Variants in GRAMD1B observed in about 807,000 individuals in gnomAD.
GRAMD1B encodes protein Aster-B.
GRAMD1B carries 37 observed loss-of-function variants against 99.7 expected under a neutral mutation model. The ratio of observed to expected loss-of-function variants is 0.37; its 90% CI spans 0.29 to 0.49. The LOEUF is 0.49. GRAMD1B is among the 20% of genes least tolerant of loss of function. GRAMD1B has a pLI of 0.98. For synonymous variants in GRAMD1B, 427 were observed against 387.6 expected, an observed-to-expected ratio of 1.10 and a Z score of -1.19; for missense variants, 888 against 1,009.2, an observed-to-expected ratio of 0.88 and a Z score of 1.63.
rs1950218101 is a variant in GRAMD1B at position 123,587,849 on chromosome 11, C to T, written c.684+3517C>T. ...AATCCAGGGTGTTGGGGTTGGGCAGCGGAGAGGGTAGGAGACCTGCCTCGA... is the reference window on the plus strand; with the variant it reads ...AATCCAGGGTGTTGGGGTTGGGCAGTGGAGAGGGTAGGAGACCTGCCTCGA... On this transcript the variant is annotated intron_variant, in intron 4 of 19. Coordinates refer to ENST00000635736, the MANE Select transcript of GRAMD1B (RefSeq NM_001387025.1). The surrounding 1 kb of genome is among the most constrained non-coding windows in gnomAD (Gnocchi z 4.2). Among the ~76,000 whole-genome samples, 1 of 152,122 alleles carries T rather than the reference C, an allele frequency of 6.6e-6. No homozygotes were observed. Among genetic ancestry groups the T allele is most frequent in the Non-Finnish European group, 1.5e-5 (1 of 68,024 alleles).
In GRAMD1B at chr11:123,491,668, C is replaced by T. The variant is rs1938573689; in HGVS notation, c.452+10775C>T. On this transcript the variant is annotated intron_variant, in intron 2 of 19. Coordinates refer to ENST00000635736, the MANE Select transcript of GRAMD1B (RefSeq NM_001387025.1). ...TAACGCAGGACCCCAGGCTTGCCCA[C>T]CCTGGGCCCTCCATCTGCCTGTGTT... is the stretch of plus-strand genomic sequence containing the variant. The T allele has an allele frequency of 1.0e-5, 4 of 386,168 alleles. No individual in the cohort carries two copies. The East Asian group carries it at 1.5e-4, about 14-fold the overall frequency. 23.9% of individuals were successfully genotyped at this position (386,168 alleles called of 1,614,324 possible).
chr11:123,612,890 G>A (rs1953784837), intron 15 of GRAMD1B, 26 bp downstream of exon 15: 2 of 1,334,806 alleles, frequency 1.5e-6, no homozygotes, highest in Admixed American at 1.7e-5. Context: ...CTTGCTGCTA[G>A]CTGGGCTGCA....
At chr11:123,483,719 A>T (rs1456943700) in intron 2 of GRAMD1B, among the ~76,000 whole-genome samples, 1 of 152,098 alleles carries the variant, frequency 6.6e-6, no homozygotes, top group Non-Finnish European at 1.5e-5. Flanking sequence ...TGTGGGTAAC[A>T]AACCGCAGAT....
At chr11:123,589,614 TTA>T (rs71060517) in intron 4 of GRAMD1B, among the ~76,000 whole-genome samples, 24 of 128,218 alleles carry the variant, frequency 1.9e-4, no homozygotes, top group Admixed American at 4.6e-4. Context: ...TGGCTAATTT[TTA>T]TATATATATA....
At chr11:123,388,444 A>C (rs1261039769) in intron 1 of GRAMD1B, among the ~76,000 whole-genome samples, 2 of 152,028 alleles carry the variant, frequency 1.3e-5, no homozygotes, top group Non-Finnish European at 2.9e-5. Flanking sequence ...AGGCTGAGGC[A>C]GGCAGATCAC....
intron 1 of GRAMD1B, among the ~76,000 whole-genome samples, chr11:123,372,194 A>T (rs992032573): frequency 6.6e-6 from 1 of 152,224 alleles, no homozygotes; most frequent in African/African-American, 2.4e-5. Flanking sequence ...GTCAAACACG[A>T]TTATACAGAA....
intron 1 of GRAMD1B, among the ~76,000 whole-genome samples, chr11:123,466,805 G>T (rs1311159906): frequency 6.6e-6 from 1 of 152,176 alleles, no homozygotes; most frequent in Non-Finnish European, 1.5e-5. Context: ...CTGAGTAAAG[G>T]TTTAGTAAGG....
chr11:123,467,416 T>TTTTTTA (rs1555127430), intron 1 of GRAMD1B, among the ~76,000 whole-genome samples: 2 of 139,362 alleles, frequency 1.4e-5, no homozygotes, highest in African/African-American at 2.7e-5. Context: ...TTTTTTTTTT[T>TTTTTTA]ACTGACTTTC....
Position 123,610,524 on chromosome 11 carries a change from C to T in GRAMD1B, c.1919+186C>T, listed in dbSNP as rs1306614602. 6.6e-6 allele frequency among the ~76,000 whole-genome samples: 1 copy of T among 152,220 alleles called. No homozygotes were observed. Among genetic ancestry groups the T allele is most frequent in the Non-Finnish European group, 1.5e-5 (1 of 68,038 alleles). On this transcript the variant is annotated intron_variant, in intron 14 of 19. Transcript: ENST00000635736. This position sits in a 1 kb window ranked among gnomAD's most constrained non-coding sequence, Gnocchi z 4.1. Reference sequence around the variant, plus strand: ...GTTTGAGTTAATTATTCTCTCCACTCTCTACATCTTGTTAGTAAAACTTGT... The same window carrying T: ...GTTTGAGTTAATTATTCTCTCCACTTTCTACATCTTGTTAGTAAAACTTGT...
At chr11:123,386,806 T>G (rs11828842) in intron 1 of GRAMD1B, among the ~76,000 whole-genome samples, 2 of 152,212 alleles carry the variant, frequency 1.3e-5, no homozygotes, top group African/African-American at 4.8e-5. Context: ...CTGGCCACAG[T>G]GCATCGGCAG....
intron 2 of GRAMD1B, among the ~76,000 whole-genome samples, chr11:123,526,473 G>A (rs1025758631): frequency 1.3e-5 from 2 of 152,162 alleles, no homozygotes; most frequent in Admixed American, 6.5e-5. Context: ...GGAGTGGTGC[G>A]CACAGAGGGA....
chr11:123,410,319 G>C (rs1461949382), intron 1 of GRAMD1B, among the ~76,000 whole-genome samples: 1 of 152,080 alleles, frequency 6.6e-6, no homozygotes, highest in Non-Finnish European at 1.5e-5. Flanking sequence ...AGAAGAGAGA[G>C]AAAGAAACAG....
chr11:123,538,516 C>T (rs1449121600), intron 2 of GRAMD1B, among the ~76,000 whole-genome samples: 1 of 152,170 alleles, frequency 6.6e-6, no homozygotes, highest in Non-Finnish European at 1.5e-5. Flanking sequence ...AAAGAATCCC[C>T]ACACCATTTA....
In GRAMD1B at chr11:123,390,250, A is replaced by G. The variant is rs115327295; in HGVS notation, c.-176+31451A>G. Among the ~76,000 whole-genome samples, 459 of 152,188 alleles carry G rather than the reference A, an allele frequency of 3.0e-3. 3 individuals are homozygous for G. Among genetic ancestry groups the G allele is most frequent in the African/African-American group, 0.01 (432 of 41,508 alleles). On this transcript the variant is annotated intron_variant, in intron 1 of 20. Transcript: ENST00000638157. ...TATACAAAAACACTACCCAAACATG[A>G]TATTAAGTGGAAGTCCAATGACATG...
At position 123,430,767 on chromosome 11, in the gene GRAMD1B, G is replaced by A. The variant is rs937951371; in HGVS notation, c.-26G>A. ...AACCAGGCCGCTGGCGGAGGGCTCA[G>A]GGGGAGCGCAGAGGCGACGGCCCCC... On this transcript the variant is annotated 5_prime_UTR_variant, in exon 1 of 20. Transcript: ENST00000635736. 3.1e-6 allele frequency: 2 copies of A among 652,444 alleles called. No individual in the cohort carries two copies. Among genetic ancestry groups the A allele is most frequent in the African/African-American group, 3.6e-5 (2 of 55,628 alleles). The allele number at this position is 652,444 out of a possible 1,614,324, so 40.4% of individuals were successfully genotyped here.
chr11:123,397,798 C>T (rs978136937), intron 1 of GRAMD1B, among the ~76,000 whole-genome samples: 2 of 152,158 alleles, frequency 1.3e-5, no homozygotes, highest in African/African-American at 4.8e-5. Flanking sequence ...TGTGAGCCAC[C>T]ACACCCAACC....
At chr11:123,427,810 G>A (rs763929920), upstream of GRAMD1B, among the ~76,000 whole-genome samples, 5 of 152,284 alleles carry the variant, frequency 3.3e-5, no homozygotes, top group Admixed American at 1.3e-4. Context: ...CCCTCAGGCC[G>A]GGTGAAATGT....
intron 1 of GRAMD1B, among the ~76,000 whole-genome samples, chr11:123,378,539 C>T (rs1028293910): frequency 6.6e-6 from 1 of 152,158 alleles, no homozygotes; most frequent in Non-Finnish European, 1.5e-5. Flanking sequence ...TAATCTCAAG[C>T]AGTCTGGAAT....
At chr11:123,565,256 C>G (rs1013708111) in intron 2 of GRAMD1B, among the ~76,000 whole-genome samples, 1 of 150,908 alleles carries the variant, frequency 6.6e-6, no homozygotes, top group African/African-American at 2.4e-5. Flanking sequence ...CCAGCCTGGC[C>G]TCAAAGTCCT....
Sources: allele counts gnomAD v4.1 joint callset (sites outside exome capture counted in the v4.1 genomes callset), GRCh38; gene constraint gnomAD v4.1.1; non-coding constraint Gnocchi (gnomAD v3.1); transcripts MANE v1.5; gene names NCBI Gene and HGNC (gene_info 2026-07-23, HGNC 2026-07-21).